TFDP2: variants seen among roughly 807,000 people sequenced by gnomAD.
The protein encoded by TFDP2 is transcription factor Dp-2 (E2F dimerization partner 2).
Under a neutral mutation model 59.3 loss-of-function variants are expected in TFDP2, and 17 were observed. That is an observed-to-expected ratio of 0.29 (90% CI 0.20 to 0.43). The LOEUF (loss-of-function observed/expected upper bound fraction) is 0.43. Among genes scored for constraint, TFDP2 ranks in the 20% least tolerant of loss-of-function variants. The probability of loss-of-function intolerance (pLI) is 1.00; values close to 1 mark genes in which losing one functional copy is unlikely to be tolerated. For synonymous variants in TFDP2, 180 were observed against 194.7 expected (o/e 0.92, Z 0.63); for missense variants, 391 against 528.8 (o/e 0.74, Z 2.56).
intron 1 of TFDP2, among the ~76,000 whole-genome samples, chr3:142,139,272 A>G (rs1317358347): frequency 6.6e-6 from 1 of 151,958 alleles, no homozygotes; most frequent in Non-Finnish European, 1.5e-5. Flanking sequence ...TGCATGTGAG[A>G]TGGGTCTCCT....
chr3:142,046,336 TA>T (rs1947346190), intron 3 of TFDP2, among the ~76,000 whole-genome samples: 1 of 152,174 alleles, frequency 6.6e-6, no homozygotes. Context: ...TTTTCCATAA[TA>T]AAAAGCTTAA....
At chr3:142,131,251 C>G (rs1396829097) in intron 1 of TFDP2, among the ~76,000 whole-genome samples, 1 of 149,728 alleles carries the variant, frequency 6.7e-6, no homozygotes, top group Non-Finnish European at 1.5e-5. Context: ...CAGGAAGACA[C>G]AAATAGACAA....
At chr3:141,969,178 C>A (rs1383658850) in intron 9 of TFDP2, among the ~76,000 whole-genome samples, 2 of 85,760 alleles carry the variant, frequency 2.3e-5, no homozygotes, top group African/African-American at 5.2e-5. Context: ...ATATATATAT[C>A]TCATATATAT....
In TFDP2 at chr3:142,001,042, A is replaced by G. The variant is rs552417509; in HGVS notation, c.186+4399T>C. Among the ~76,000 whole-genome samples the G allele has an allele frequency of 9.3e-4, 142 of 152,240 alleles. 1 individual carries two copies. The highest frequency in any genetic ancestry group is 1.5e-3 in the Non-Finnish European group (100 of 67,996). ...AGTTGCATGCTGGAAGCTCTACTAG[A>G]CTAGGGCCTCAGGGAGCAACCCCGC... On this transcript the variant is annotated intron_variant, in intron 4 of 12. Coordinates refer to ENST00000489671, the MANE Select transcript of TFDP2 (RefSeq NM_001178139.2).
intron 3 of TFDP2, among the ~76,000 whole-genome samples, chr3:142,023,777 C>G (rs1945855082): frequency 6.6e-6 from 1 of 152,060 alleles, no homozygotes; most frequent in Non-Finnish European, 1.5e-5. Context: ...AACAAAATCT[C>G]TTTGTATTAA....
chr3:142,075,736 A>G (rs560497847), intron 3 of TFDP2, among the ~76,000 whole-genome samples: 1 of 120,320 alleles, frequency 8.3e-6, no homozygotes, highest in Non-Finnish European at 2.0e-5. Flanking sequence ...TCTCTACAGA[A>G]AAAAAAAAAA....
At chr3:142,036,384 A>T (rs1453864488) in intron 3 of TFDP2, among the ~76,000 whole-genome samples, 1 of 152,358 alleles carries the variant, frequency 6.6e-6, no homozygotes, top group African/African-American at 2.4e-5. Context: ...CTTAGTTAAG[A>T]TATTCACAAC....
At chr3:142,111,331 G>A (rs1269119552) in intron 1 of TFDP2, among the ~76,000 whole-genome samples, 1 of 151,576 alleles carries the variant, frequency 6.6e-6, no homozygotes, top group Non-Finnish European at 1.5e-5. Flanking sequence ...CAGAGGCTGA[G>A]GCAGGAGAAT....
intron 3 of TFDP2, among the ~76,000 whole-genome samples, chr3:142,067,570 G>A (rs899298213): frequency 1.3e-5 from 2 of 152,024 alleles, no homozygotes; most frequent in African/African-American, 4.8e-5. Flanking sequence ...CAGATTCATT[G>A]CAATCTCAAT....
chr3:142,061,889 T>TACACACAC (rs71153939), intron 3 of TFDP2, among the ~76,000 whole-genome samples: 4 of 79,880 alleles, frequency 5.0e-5, no homozygotes, highest in East Asian at 7.8e-4. Flanking sequence ...TCTCTCTCTC[T>TACACACAC]ACACACACAC....
chr3:142,134,607 G>A (rs772286899), intron 1 of TFDP2, among the ~76,000 whole-genome samples: 80 of 151,990 alleles, frequency 5.3e-4, no homozygotes, highest in Non-Finnish European at 9.0e-4. Context: ...GGCAGAAAAT[G>A]TTTTACATAA....
rs374140685 is a variant in TFDP2, at chr3:142,080,952, C to T, written c.82+12109G>A. On this transcript the variant is annotated intron_variant, in intron 3 of 12. Transcript: ENST00000489671. Reference sequence around the variant, plus strand: ...TCCAAACAGAAAATCCACAAGGAAACACTAGACTTAATTTTCGCTATAGAC... The same window carrying T: ...TCCAAACAGAAAATCCACAAGGAAATACTAGACTTAATTTTCGCTATAGAC... 1.1e-4 allele frequency among the ~76,000 whole-genome samples: 17 copies of T among 152,300 alleles called. 1 individual carries two copies. The highest frequency in any genetic ancestry group is 4.1e-4 in the African/African-American group (17 of 41,564).
intron 3 of TFDP2, among the ~76,000 whole-genome samples, chr3:142,085,407 C>T (rs1220598436): frequency 1.4e-5 from 2 of 147,870 alleles, no homozygotes; most frequent in Non-Finnish European, 2.9e-5. Flanking sequence ...TATTATGTAC[C>T]CACAAAAAAT....
chr3:141,990,280 C>G (rs542756132), intron 6 of TFDP2, among the ~76,000 whole-genome samples: 2 of 151,680 alleles, frequency 1.3e-5, no homozygotes, highest in East Asian at 3.9e-4. Context: ...GACGGAGTCC[C>G]GCTGTGTTGA....
At chr3:142,094,437 T>C (rs1232853240) in intron 2 of TFDP2, among the ~76,000 whole-genome samples, 4 of 152,038 alleles carry the variant, frequency 2.6e-5, no homozygotes, top group African/African-American at 9.7e-5. Flanking sequence ...CCCAGGTAGC[T>C]GGGATTACAG....
intron 1 of TFDP2, among the ~76,000 whole-genome samples, chr3:142,116,258 TCTCA>T (rs991186164): frequency 1.3e-5 from 2 of 151,926 alleles, no homozygotes; most frequent in African/African-American, 4.8e-5. Flanking sequence ...AGAGATAGAG[TCTCA>T]CTATGTAGCC....
chr3:141,993,809 G>A (rs1219930133), intron 5 of TFDP2, among the ~76,000 whole-genome samples: 12 of 152,196 alleles, frequency 7.9e-5, no homozygotes, highest in Non-Finnish European at 2.9e-5. Context: ...TGACTAGCTA[G>A]AGAGGAAAAC....
chr3:142,112,476 A>G (rs1453559125), intron 1 of TFDP2, among the ~76,000 whole-genome samples: 1 of 152,200 alleles, frequency 6.6e-6, no homozygotes, highest in Admixed American at 6.5e-5. Context: ...ACTTCTTAGT[A>G]TATGTGCTTT....
chr3:142,039,553 T>C (rs1208959698), intron 3 of TFDP2, among the ~76,000 whole-genome samples: 1 of 152,134 alleles, frequency 6.6e-6, no homozygotes, highest in East Asian at 1.9e-4. Flanking sequence ...ACATCTTGTT[T>C]CTGGGAGAGC....
Sources: gnomAD v4.1 joint callset for allele counts (sites outside exome capture counted in the v4.1 genomes callset) on GRCh38, gnomAD v4.1.1 for gene constraint, MANE v1.5 for transcripts, NCBI Gene and HGNC (gene_info 2026-07-23, HGNC 2026-07-21) for gene names.